The following LIX1 variants were observed in gnomAD, a reference collection of about 807,000 sequenced individuals.
LIX1 encodes the protein protein limb expression 1 homolog.
LIX1 carries 24 observed loss-of-function variants against 33.4 expected under a neutral mutation model. That is an observed-to-expected ratio of 0.72 (90% CI 0.52 to 1.01). The LOEUF (loss-of-function observed/expected upper bound fraction) is 1.01. Among genes scored for constraint, LIX1 ranks in the 50% least tolerant of loss-of-function variants. LIX1 has a pLI of 0.00. For missense variants in LIX1, 311 were observed against 339.2 expected (o/e 0.92, Z 0.65); for synonymous variants, 124 against 124.0 (o/e 1.00, Z 0.00).
intron 4 of LIX1, chr5:97,103,145 T>C (rs1358056453): frequency 6.8e-6 from 3 of 438,424 alleles, no homozygotes; most frequent in South Asian, 1.7e-5. Context: ...AAAATACCTC[T>C]TTTTAAAAGT....
intron 1 of LIX1, among the ~76,000 whole-genome samples, chr5:97,135,423 C>T (rs569594498): frequency 1.3e-5 from 2 of 152,306 alleles, no homozygotes; most frequent in African/African-American, 4.8e-5. Flanking sequence ...CATTCAATCT[C>T]AAAAGCTGCA....
intron 2 of LIX1, among the ~76,000 whole-genome samples, chr5:97,115,398 A>G (rs952291633): frequency 1.3e-5 from 2 of 152,316 alleles, no homozygotes; most frequent in Non-Finnish European, 2.9e-5. Context: ...CAATTTAGAC[A>G]TGAAACAGTA....
At chr5:97,124,363 T>C in intron 2 of LIX1, 103 bp downstream of exon 2, 1 of 1,017,158 alleles carries the variant, frequency 9.8e-7, no homozygotes, top group Non-Finnish European at 1.4e-6. Flanking sequence ...TACAACTTTG[T>C]TCACTATTTC....
At chr5:97,108,981 A>G (rs1380524715) in intron 2 of LIX1, among the ~76,000 whole-genome samples, 2 of 152,006 alleles carry the variant, frequency 1.3e-5, no homozygotes, top group East Asian at 3.9e-4. Flanking sequence ...CTTTCACAAC[A>G]TCCCCACCTC....
At chr5:97,096,774 T>C in intron 5 of LIX1, 36 bp downstream of exon 5, 1 of 1,465,564 alleles carries the variant, frequency 6.8e-7, no homozygotes, top group Non-Finnish European at 9.6e-7. Context: ...GCTGAGTTCA[T>C]ATAACACAGA....
At chr5:97,121,120 T>C (rs73775679) in intron 2 of LIX1, among the ~76,000 whole-genome samples, 1,677 of 152,302 alleles carry the variant, frequency 0.011, 24 homozygotes, top group African/African-American at 0.038. Flanking sequence ...AGGGAGCTAA[T>C]GCCCCCTGAA....
chr5:97,142,476 T>C lies in LIX1; in HGVS notation c.82+19A>G, dbSNP rs373560441. 302 of 1,596,154 alleles carry C rather than the reference T, an allele frequency of 1.9e-4. No individual in the cohort carries two copies. Among genetic ancestry groups the C allele is most frequent in the Middle Eastern group, 8.3e-4 (5 of 6,016 alleles). On this transcript the variant is annotated intron_variant, in intron 1 of 5. Coordinates refer to ENST00000274382, the MANE Select transcript of LIX1 (RefSeq NM_153234.5). Reference sequence around the variant, plus strand: ...TATTTTCTAAAAAGTCAAAAAACTTTTCCCCCTTCAGTACTTACAGTCTTT... The same window carrying C: ...TATTTTCTAAAAAGTCAAAAAACTTCTCCCCCTTCAGTACTTACAGTCTTT...
At chr5:97,096,980 A>G in intron 4 of LIX1, 93 bp from the exon 5 acceptor site, 1 of 945,252 alleles carries the variant, frequency 1.1e-6, no homozygotes, top group South Asian at 1.4e-5. Flanking sequence ...CAAATATATC[A>G]GGAAACAGAA....
intron 2 of LIX1, among the ~76,000 whole-genome samples, chr5:97,114,675 C>T (rs1429155803): frequency 6.6e-6 from 1 of 152,160 alleles, no homozygotes; most frequent in African/African-American, 2.4e-5. Context: ...GCGGGTGATT[C>T]TGACATGTGG....
At chr5:97,114,685 G>T (rs1403829679) in intron 2 of LIX1, among the ~76,000 whole-genome samples, 2 of 152,174 alleles carry the variant, frequency 1.3e-5, no homozygotes, top group Non-Finnish European at 2.9e-5. Context: ...CTGACATGTG[G>T]ACCCAGGACA....
intron 2 of LIX1, among the ~76,000 whole-genome samples, chr5:97,111,117 G>A (rs2112772615): frequency 6.6e-6 from 1 of 152,308 alleles, no homozygotes; most frequent in East Asian, 1.9e-4. Flanking sequence ...ACACTGCAGT[G>A]TAACTGTTTG....
chr5:97,096,141 G>A (rs1020343940), intron 5 of LIX1, among the ~76,000 whole-genome samples: 7 of 152,246 alleles, frequency 4.6e-5, no homozygotes, highest in South Asian at 4.1e-4. Context: ...TTCTAACGGT[G>A]GGTAGAGGAA....
chr5:97,125,500 G>A (rs1325378896), intron 1 of LIX1, among the ~76,000 whole-genome samples: 1 of 152,198 alleles, frequency 6.6e-6, no homozygotes, highest in Non-Finnish European at 1.5e-5. Flanking sequence ...ACATGTGGAA[G>A]GACCTAGTAC....
chr5:97,127,452 C>T (rs1747956467), intron 1 of LIX1, among the ~76,000 whole-genome samples: 1 of 152,130 alleles, frequency 6.6e-6, no homozygotes, highest in African/African-American at 2.4e-5. Flanking sequence ...CATCACCCAC[C>T]AAGAGTGCAA....
chr5:97,137,501 TA>T (rs1468966794), intron 1 of LIX1, among the ~76,000 whole-genome samples: 1 of 151,962 alleles, frequency 6.6e-6, no homozygotes, highest in Non-Finnish European at 1.5e-5. Context: ...ATGCCATTGA[TA>T]GCTGTACTAA....
chr5:97,133,585 C>T (rs1748111210), intron 1 of LIX1, among the ~76,000 whole-genome samples: 1 of 152,186 alleles, frequency 6.6e-6, no homozygotes, highest in Non-Finnish European at 1.5e-5. Context: ...TAACTGAACA[C>T]ATTGTGCTAT....
intron 4 of LIX1, 85 bp downstream of exon 4, chr5:97,105,105 C>G: frequency 8.4e-7 from 1 of 1,192,848 alleles, no homozygotes. Flanking sequence ...ATTATTGGGT[C>G]GGGAGATGTT....
At chr5:97,103,532 C>G (rs1235354470) in intron 4 of LIX1, among the ~76,000 whole-genome samples, 1 of 152,212 alleles carries the variant, frequency 6.6e-6, no homozygotes, top group Admixed American at 6.5e-5. Context: ...CTCAAACTGG[C>G]CAGCCCGCTG....
chr5:97,127,836 A>G (rs539189405), intron 1 of LIX1, among the ~76,000 whole-genome samples: 1 of 152,310 alleles, frequency 6.6e-6, no homozygotes, highest in South Asian at 2.1e-4. Flanking sequence ...CAAGTGTGCA[A>G]TATCCATCCC....
Sources: allele counts gnomAD v4.1 joint callset (sites outside exome capture counted in the v4.1 genomes callset), GRCh38; gene constraint gnomAD v4.1.1; transcripts MANE v1.5; gene names NCBI Gene and HGNC (gene_info 2026-07-23, HGNC 2026-07-21).